ASXL1: variants seen among roughly 807,000 people sequenced by gnomAD.
ASXL1 encodes ASXL transcriptional regulator 1, also known as polycomb group protein ASXL1.
In ASXL1, 65 loss-of-function variants were observed where a neutral mutation model predicts 89.1. The observed-to-expected ratio is 0.73, with a 90% CI of 0.60 to 0.90. ASXL1 has a LOEUF of 0.90. Among genes scored for constraint, ASXL1 ranks in the 40% least tolerant of loss-of-function variants. ASXL1 has a pLI of 0.00. For synonymous variants in ASXL1, 739 were observed against 746.9 expected (o/e 0.99, Z 0.17); for missense variants, 1,786 against 1,942.9 (o/e 0.92, Z 1.52).
rs2011462543 is a variant in ASXL1 at position 32,429,763 on chromosome 20, C to G, written c.566-138C>G. On this transcript the variant is annotated intron_variant, in intron 7 of 12. Transcript: ENST00000375687. This position sits in a 1 kb window ranked among gnomAD's most constrained non-coding sequence, Gnocchi z 4.9. Reference sequence around the variant, plus strand: ...GCCAGACCATGAAGTGGTGGTTTCTCTCAGCCTAAGGCTGGGAGATGGAAG... The same window carrying G: ...GCCAGACCATGAAGTGGTGGTTTCTGTCAGCCTAAGGCTGGGAGATGGAAG... 2 of 1,260,700 alleles carry G rather than the reference C, an allele frequency of 1.6e-6. No individual in the cohort carries two copies. The highest frequency in any genetic ancestry group is 2.2e-6 in the Non-Finnish European group (2 of 914,258). 78.1% of individuals were successfully genotyped at this position (1,260,700 alleles called of 1,614,324 possible). A position where few individuals can be genotyped will look rare whatever the true frequency, so the allele number is the denominator to read the frequency against.
intron 4 of ASXL1, among the ~76,000 whole-genome samples, chr20:32,389,127 CT>C: frequency 6.6e-6 from 1 of 151,882 alleles, no homozygotes; most frequent in Non-Finnish European, 1.5e-5. Context: ...GATTCTTTTG[CT>C]TTTAACCCAC....
At chr20:32,428,871 G>A (rs147369671) in intron 6 of ASXL1, 2 of 292,178 alleles carry the variant, frequency 6.8e-6, no homozygotes, top group Non-Finnish European at 1.3e-5. Context: ...ATGTTGGCCA[G>A]GCTAGTCTCG....
intron 1 of ASXL1, chr20:32,360,585 A>C (rs1456525646): frequency 6.5e-6 from 1 of 152,852 alleles, no homozygotes; most frequent in Non-Finnish European, 1.5e-5. Context: ...TACTTGTTAG[A>C]GGTAGGTGAA....
intron 4 of ASXL1, among the ~76,000 whole-genome samples, chr20:32,395,566 C>A (rs1354778204): frequency 6.6e-6 from 1 of 152,104 alleles, no homozygotes; most frequent in Non-Finnish European, 1.5e-5. Flanking sequence ...GCTACTATTT[C>A]TTGAAATATT....
intron 4 of ASXL1, among the ~76,000 whole-genome samples, chr20:32,426,541 C>CTGTTTTTTTTTTTTT (rs2011294007): frequency 1.1e-5 from 1 of 92,564 alleles, no homozygotes; most frequent in East Asian, 5.3e-4. Flanking sequence ...AAACTGTTTT[C>CTGTTTTTTTTTTTTT]TTTTTTTTCT....
intron 4 of ASXL1, among the ~76,000 whole-genome samples, chr20:32,385,325 C>T (rs2122956410): frequency 6.6e-6 from 1 of 152,324 alleles, no homozygotes; most frequent in South Asian, 2.1e-4. Context: ...TTTGAAGCTT[C>T]AGCTAAATGA....
chr20:32,425,533 G>A (rs973862950), intron 4 of ASXL1, among the ~76,000 whole-genome samples: 1 of 152,152 alleles, frequency 6.6e-6, no homozygotes, highest in African/African-American at 2.4e-5. Context: ...GATGGATGTG[G>A]TAGTATCTCA....
chr20:32,407,323 A>C (rs2048971394), intron 4 of ASXL1, among the ~76,000 whole-genome samples: 1 of 151,614 alleles, frequency 6.6e-6, no homozygotes, highest in Non-Finnish European at 1.5e-5. Context: ...CAACCTGGGC[A>C]ACAGAGCTAG....
intron 10 of ASXL1, chr20:32,432,249 G>A: frequency 5.7e-6 from 1 of 175,866 alleles, no homozygotes; most frequent in Middle Eastern, 3.0e-3. Flanking sequence ...ACCATGTGTT[G>A]GCTTCCAAGG....
At position 32,437,416 on chromosome 20, in the gene ASXL1, A is replaced by AT. The variant is rs2011989281; in HGVS notation, c.*79dup. 2 of 1,573,658 alleles carry AT rather than the reference A, an allele frequency of 1.3e-6. No homozygotes were observed. The highest frequency in any genetic ancestry group is 8.7e-7 in the Non-Finnish European group (1 of 1,144,692). The stretch of plus-strand genomic sequence containing the variant: ...GATTGATCTTAAATCTGTATACAGA[A>AT]TATCATTGATATAATACTCTTTAGG... On this transcript the variant is annotated 3_prime_UTR_variant, in exon 13 of 13. Coordinates refer to ENST00000375687, the MANE Select transcript of ASXL1 (RefSeq NM_015338.6).
rs1018322256 is a variant in ASXL1 at position 32,437,542 on chromosome 20, A to G, written c.*204A>G. ...TGGAGGGGTTTCCTGGGTATAACCC[A>G]TTGGGCTGCCCAAGGCCAGCCAGCC... On this transcript the variant is annotated 3_prime_UTR_variant, in exon 13 of 13. Coordinates refer to ENST00000375687, the MANE Select transcript of ASXL1 (RefSeq NM_015338.6). 4 of 722,996 alleles carry G rather than the reference A, an allele frequency of 5.5e-6. No homozygotes were observed. The highest frequency in any genetic ancestry group is 3.6e-5 in the South Asian group (2 of 55,642). 44.8% of individuals were successfully genotyped at this position (722,996 alleles called of 1,614,324 possible).
At chr20:32,378,021 A>T (rs913278066) in intron 4 of ASXL1, among the ~76,000 whole-genome samples, 15 of 69,752 alleles carry the variant, frequency 2.2e-4, no homozygotes, top group Admixed American at 2.1e-3. Flanking sequence ...ACAGAGTCTC[A>T]CTCTGTCGCC....
chr20:32,433,087 G>A (rs1391974122), intron 11 of ASXL1, 102 bp downstream of exon 11: 3 of 1,558,692 alleles, frequency 1.9e-6, no homozygotes, highest in Non-Finnish European at 2.6e-6. Context: ...AGAATGTGGA[G>A]ATTGCAGTGA....
intron 1 of ASXL1, 35 bp from the exon 2 acceptor site, chr20:32,366,349 T>C (rs753785312): frequency 2.3e-5 from 36 of 1,543,452 alleles, no homozygotes; most frequent in Non-Finnish European, 3.0e-5. Context: ...AAATGGAAAT[T>C]GCACACTGAA....
chr20:32,401,015 G>T (rs1377654815), intron 4 of ASXL1, among the ~76,000 whole-genome samples: 2 of 152,104 alleles, frequency 1.3e-5, no homozygotes, highest in Admixed American at 6.6e-5. Flanking sequence ...ATAATTTTAG[G>T]TTTACTAAAA....
chr20:32,414,095 A>G (rs1460490736), intron 4 of ASXL1, among the ~76,000 whole-genome samples: 1 of 152,088 alleles, frequency 6.6e-6, no homozygotes, highest in African/African-American at 2.4e-5. Context: ...GGAAGATTTT[A>G]GGATCTGTTT....
At chr20:32,375,044 G>A (rs1172871477) in intron 4 of ASXL1, among the ~76,000 whole-genome samples, 1 of 152,052 alleles carries the variant, frequency 6.6e-6, no homozygotes, top group Non-Finnish European at 1.5e-5. Flanking sequence ...TCAGCGTTTT[G>A]CCATGTTGGT....
chr20:32,428,729 C>G, intron 6 of ASXL1: 1 of 320,318 alleles, frequency 3.1e-6, no homozygotes. Flanking sequence ...GGCATGATCT[C>G]CGCTTACTGC....
rs766307575 is a variant in ASXL1, at chr20:32,436,299, C to T, written c.3587C>T (p.Ala1196Val). ...TGLARIEATQ[A>V]PGAPQKNCKA... Reference sequence around the variant, plus strand: ...CTTGCCAGGATTGAGGCCACCCAGGCTCCTGGAGCACCCCAAAAGAATTGC... The same window carrying T: ...CTTGCCAGGATTGAGGCCACCCAGGTTCCTGGAGCACCCCAAAAGAATTGC... Residue 1196 changes from alanine to valine, a missense_variant, in exon 13 of 13, where the codon GCT (alanine) becomes GTT (valine). Physicochemically the swap from Ala to Val is moderately conservative, Grantham distance 64. Coordinates refer to ENST00000375687, the MANE Select transcript of ASXL1 (RefSeq NM_015338.6). 1 of 1,614,066 alleles carries T rather than the reference C, an allele frequency of 6.2e-7. No individual in the cohort carries two copies. Among genetic ancestry groups the T allele is most frequent in the Non-Finnish European group, 8.5e-7 (1 of 1,180,046 alleles).
Sources: gnomAD v4.1 joint callset for allele counts (sites outside exome capture counted in the v4.1 genomes callset) on GRCh38, gnomAD v4.1.1 for gene constraint, Gnocchi (gnomAD v3.1) non-coding constraint, MANE v1.5 for transcripts, NCBI Gene and HGNC (gene_info 2026-07-23, HGNC 2026-07-21) for gene names.